The following CHCHD6 variants were observed in gnomAD, a reference collection of about 807,000 sequenced individuals.
The protein encoded by CHCHD6 is MICOS complex subunit MIC25.
CHCHD6 carries 28 observed loss-of-function variants against 32.3 expected under a neutral mutation model. The observed-to-expected ratio is 0.87, with a 90% CI of 0.64 to 1.19. The LOEUF (loss-of-function observed/expected upper bound fraction) is 1.19. Among genes scored for constraint, CHCHD6 ranks in the 50% most tolerant of loss-of-function variants. CHCHD6 has a pLI of 0.00. For synonymous variants in CHCHD6, 122 were observed against 117.5 expected, an observed-to-expected ratio of 1.04 and a Z score of -0.25; for missense variants, 333 against 307.0, an observed-to-expected ratio of 1.08 and a Z score of -0.63.
intron 6 of CHCHD6, among the ~76,000 whole-genome samples, chr3:126,943,059 T>C (rs2078583833): frequency 6.6e-6 from 1 of 152,178 alleles, no homozygotes; most frequent in African/African-American, 2.4e-5. Context: ...CAACAGGATA[T>C]GTATTTGCTC....
chr3:126,838,342 G>A (rs770767903), intron 4 of CHCHD6, among the ~76,000 whole-genome samples: 1 of 152,158 alleles, frequency 6.6e-6, no homozygotes, highest in Non-Finnish European at 1.5e-5. Flanking sequence ...GCACAGGTAG[G>A]TGGTTTTGGA....
intron 1 of CHCHD6, among the ~76,000 whole-genome samples, chr3:126,708,413 T>A (rs1934601588): frequency 1.3e-5 from 2 of 152,134 alleles, no homozygotes; most frequent in South Asian, 4.1e-4. Context: ...AGGGCCCAAA[T>A]GCCAGGCAGG....
In CHCHD6 at chr3:126,860,844, G is replaced by A. The variant is rs78027213; in HGVS notation, c.495+8114G>A. Among the ~76,000 whole-genome samples the A allele has an allele frequency of 4.2e-4, 64 of 152,308 alleles. No homozygotes were observed. In the East Asian group the frequency reaches 0.012, roughly 28 times the overall value. On this transcript the variant is annotated intron_variant, in intron 5 of 7. Coordinates refer to ENST00000290913, the MANE Select transcript of CHCHD6 (RefSeq NM_032343.3). ...AGGTCCTTTGATAAATGTGATCAAT[G>A]AGACAGGAATATACAAAGAAATTGA... is the stretch of plus-strand genomic sequence containing the variant.
intron 5 of CHCHD6, among the ~76,000 whole-genome samples, chr3:126,890,977 G>A (rs528368698): frequency 2.8e-4 from 43 of 152,288 alleles, no homozygotes; most frequent in African/African-American, 9.9e-4. Flanking sequence ...TTTAGGAAGC[G>A]CCCAGTGGGA....
At chr3:126,928,656 A>C (rs1327728581) in intron 6 of CHCHD6, among the ~76,000 whole-genome samples, 1 of 152,158 alleles carries the variant, frequency 6.6e-6, no homozygotes, top group Non-Finnish European at 1.5e-5. Flanking sequence ...CCAGGATTCT[A>C]ACACTAGTCC....
intron 1 of CHCHD6, among the ~76,000 whole-genome samples, chr3:126,712,892 C>G (rs1934820158): frequency 6.6e-6 from 1 of 152,220 alleles, no homozygotes; most frequent in African/African-American, 2.4e-5. Flanking sequence ...CTTCTCTGCC[C>G]CCTTAGAGAT....
intron 6 of CHCHD6, among the ~76,000 whole-genome samples, chr3:126,930,146 A>G (rs1039450044): frequency 6.6e-6 from 1 of 152,238 alleles, no homozygotes; most frequent in African/African-American, 2.4e-5. Context: ...CCCTGTTAGA[A>G]GGGAAGAGGA....
At chr3:126,740,285 A>G (rs1320373436) in intron 4 of CHCHD6, among the ~76,000 whole-genome samples, 1 of 152,138 alleles carries the variant, frequency 6.6e-6, no homozygotes, top group East Asian at 1.9e-4. Flanking sequence ...GAAGGCCTGG[A>G]GTGCCTATGG....
At chr3:126,735,277 A>G (rs939307235) in intron 4 of CHCHD6, among the ~76,000 whole-genome samples, 1 of 152,206 alleles carries the variant, frequency 6.6e-6, no homozygotes, top group Non-Finnish European at 1.5e-5. Flanking sequence ...TACTCCTGCA[A>G]AGGAGATTGA....
chr3:126,789,049 A>G (rs1205073037), intron 4 of CHCHD6, among the ~76,000 whole-genome samples: 3 of 152,188 alleles, frequency 2.0e-5, no homozygotes, highest in Admixed American at 6.5e-5. Context: ...TTCAAAGGAC[A>G]TCTTTATTTC....
chr3:126,957,488 T>TGAGGTGCTGCTGTGCTCG lies in CHCHD6; in HGVS notation c.642_659dup (p.Glu214_Ser219dup). ...TCCACTGCTACCGAGATCGCCCGCA[T>TGAGGTGCTGCTGTGCTCG]GAGGTGCTGCTGTGCTCGGACCTGG... On this transcript the variant is annotated inframe_insertion, in exon 7 of 8. Coordinates refer to ENST00000290913, the MANE Select transcript of CHCHD6 (RefSeq NM_032343.3). 1 of 1,604,938 alleles carries TGAGGTGCTGCTGTGCTCG rather than the reference T, an allele frequency of 6.2e-7. No homozygotes were observed. The highest frequency in any genetic ancestry group is 1.1e-5 in the South Asian group (1 of 89,106).
At chr3:126,864,955 TCCTCCATCACCA>T (rs1282148119) in intron 5 of CHCHD6, among the ~76,000 whole-genome samples, 1 of 146,816 alleles carries the variant, frequency 6.8e-6, no homozygotes, top group Admixed American at 6.7e-5. Context: ...CATCATCTCC[TCCTCCATCACCA>T]CCTCCATCAT....
chr3:126,831,653 G>C (rs1020105011), intron 4 of CHCHD6, among the ~76,000 whole-genome samples: 3 of 152,228 alleles, frequency 2.0e-5, no homozygotes, highest in African/African-American at 7.2e-5. Context: ...GGACTCAGAA[G>C]ATGGGCCCTG....
intron 4 of CHCHD6, among the ~76,000 whole-genome samples, chr3:126,737,390 G>GTATATATA (rs60896630): frequency 0.029 from 3,859 of 132,464 alleles, 85 homozygotes; most frequent in East Asian, 0.068. Flanking sequence ...TGATGTGTGA[G>GTATATATA]TATATATATA....
chr3:126,719,755 G>C (rs982761972), intron 1 of CHCHD6, among the ~76,000 whole-genome samples: 3 of 152,188 alleles, frequency 2.0e-5, no homozygotes, highest in Admixed American at 6.5e-5. Context: ...TGCTTCTAGC[G>C]CATTGCCATC....
At chr3:126,954,543 A>G (rs758415060) in intron 6 of CHCHD6, among the ~76,000 whole-genome samples, 1 of 152,176 alleles carries the variant, frequency 6.6e-6, no homozygotes, top group Non-Finnish European at 1.5e-5. Context: ...CTCTTTTCAC[A>G]TAGATCAGTA....
At chr3:126,915,935 C>T (rs1344669539) in intron 6 of CHCHD6, among the ~76,000 whole-genome samples, 1 of 151,246 alleles carries the variant, frequency 6.6e-6, no homozygotes, top group Non-Finnish European at 1.5e-5. Context: ...AGACCACAGG[C>T]ATGTGCCACG....
rs1322862362 is a variant in CHCHD6 at position 126,806,110 on chromosome 3, C to A, written c.412-46537C>A. On this transcript the variant is annotated intron_variant, in intron 4 of 7. Transcript: ENST00000290913. ...AACCATAAAAACCCTAGAAGAAAACCTAGACATTACCATTCAGGACATAGG... is the reference window on the plus strand; with the variant it reads ...AACCATAAAAACCCTAGAAGAAAACATAGACATTACCATTCAGGACATAGG... Among the ~76,000 whole-genome samples the A allele has an allele frequency of 5.0e-3, 759 of 152,064 alleles. 4 individuals carry two copies. Among genetic ancestry groups the A allele is most frequent in the Non-Finnish European group, 6.0e-3 (408 of 67,890 alleles).
rs1363005213 is a variant in CHCHD6, at chr3:126,957,333, G to A, written c.567-83G>A. The A allele has an allele frequency of 2.7e-6, 4 of 1,499,624 alleles. No homozygotes were observed. The African/African-American group carries it at 5.5e-5, about 21-fold the overall frequency. 92.9% of individuals were successfully genotyped at this position (1,499,624 alleles called of 1,614,324 possible). ...AGGGACTTAGCCTAGCGCCTGGGAG[G>A]TAGGTGGAGTGAATGTGAGTTGTTT... is the stretch of plus-strand genomic sequence containing the variant. On this transcript the variant is annotated intron_variant, in intron 6 of 7. Transcript: ENST00000290913.
Sources: allele counts gnomAD v4.1 joint callset (sites outside exome capture counted in the v4.1 genomes callset), GRCh38; gene constraint gnomAD v4.1.1; transcripts MANE v1.5; gene names NCBI Gene and HGNC (gene_info 2026-07-23, HGNC 2026-07-21).